Variants in SUPT3H observed in about 807,000 individuals in gnomAD.
SUPT3H encodes the protein SPT3 homolog, SAGA and STAGA complex component, also known as transcription initiation protein SPT3 homolog.
A neutral mutation model predicts 44.3 loss-of-function variants in SUPT3H; 44 were observed. The observed-to-expected ratio is 0.99, with a 90% confidence interval of 0.78 to 1.28. The LOEUF (loss-of-function observed/expected upper bound fraction) is 1.28, where lower values mean the gene tolerates loss of function less well. Ranked by LOEUF, SUPT3H falls within the 50% of genes most tolerant of loss-of-function variation. The pLI is 0.00. For synonymous variants in SUPT3H, 124 were observed against 125.6 expected, an observed-to-expected ratio of 0.99 and a Z score of 0.09; for missense variants, 380 against 387.1, an observed-to-expected ratio of 0.98 and a Z score of 0.15.
At chr6:44,903,018 C>G (rs1044865577) in intron 10 of SUPT3H, among the ~76,000 whole-genome samples, 1 of 151,948 alleles carries the variant, frequency 6.6e-6, no homozygotes, top group Non-Finnish European at 1.5e-5. Context: ...ATCTCTGGGA[C>G]ACATTCAAAG....
intron 9 of SUPT3H, among the ~76,000 whole-genome samples, chr6:44,951,492 C>T (rs758231602): frequency 1.3e-4 from 20 of 152,042 alleles, no homozygotes; most frequent in Non-Finnish European, 2.9e-4. Flanking sequence ...GACTTCCAGT[C>T]TCTGAATATT....
intron 2 of SUPT3H, among the ~76,000 whole-genome samples, chr6:45,220,785 G>C (rs531789975): frequency 2.6e-5 from 4 of 152,232 alleles, no homozygotes; most frequent in East Asian, 3.9e-4. Flanking sequence ...ACTGTTGGTG[G>C]GAGTTCAACC....
chr6:44,822,661 C>T (rs1767416164), downstream of SUPT3H, among the ~76,000 whole-genome samples: 1 of 152,152 alleles, frequency 6.6e-6, no homozygotes, highest in Admixed American at 6.5e-5. Flanking sequence ...AAACCTGATG[C>T]ATGCGGTGCT....
rs980243258 is a variant in SUPT3H at position 45,241,940 on chromosome 6, A to C, written c.101+123261T>G. 3.3e-5 allele frequency among the ~76,000 whole-genome samples: 5 copies of C among 152,348 alleles called. No individual in the cohort carries two copies. The East Asian group carries it at 9.6e-4, about 29-fold the overall frequency. On this transcript the variant is annotated intron_variant, in intron 2 of 10. Coordinates refer to ENST00000371459, the MANE Select transcript of SUPT3H (RefSeq NM_003599.4). ...GCAAGAAAGCAAATTGCTAGTCATG[A>C]AGGACTACACAAAGTGGTTATGTTT...
chr6:44,908,968 C>G (rs1029291088), intron 10 of SUPT3H, among the ~76,000 whole-genome samples: 2 of 152,170 alleles, frequency 1.3e-5, no homozygotes, highest in African/African-American at 2.4e-5. Flanking sequence ...ATCTCCTCAG[C>G]AACAACTACT....
intron 2 of SUPT3H, among the ~76,000 whole-genome samples, chr6:45,139,174 G>A (rs920817192): frequency 2.0e-5 from 3 of 152,008 alleles, no homozygotes; most frequent in African/African-American, 7.2e-5. Flanking sequence ...CAAAGCTAAA[G>A]TTTTATGACT....
At chr6:44,856,948 G>A (rs535904306) in intron 10 of SUPT3H, among the ~76,000 whole-genome samples, 11 of 152,232 alleles carry the variant, frequency 7.2e-5, no homozygotes, top group Admixed American at 5.9e-4. Context: ...GGGGACTTCG[G>A]TATTCACGAG....
chr6:45,328,263 C>T, intron 2 of SUPT3H: 3 of 1,347,994 alleles, frequency 2.2e-6, no homozygotes, highest in Non-Finnish European at 3.0e-6. Context: ...TCTGCCTCTC[C>T]AGTAATAGTG....
At chr6:45,200,035 T>C (rs1347946840) in intron 2 of SUPT3H, among the ~76,000 whole-genome samples, 1 of 151,256 alleles carries the variant, frequency 6.6e-6, no homozygotes, top group African/African-American at 2.4e-5. Flanking sequence ...ATACACCCCA[T>C]CAACCAAATC....
At chr6:45,076,618 T>C (rs191410824) in intron 3 of SUPT3H, among the ~76,000 whole-genome samples, 6 of 152,280 alleles carry the variant, frequency 3.9e-5, no homozygotes, top group East Asian at 3.9e-4. Flanking sequence ...ACTTGTAAAA[T>C]AGTGATACAA....
chr6:45,305,795 C>T (rs189953072), intron 2 of SUPT3H, among the ~76,000 whole-genome samples: 327 of 152,352 alleles, frequency 2.1e-3, no homozygotes, highest in Non-Finnish European at 3.7e-3. Flanking sequence ...AAATAACCCA[C>T]TCCAAGCCCA....
At chr6:45,057,061 C>T (rs1307829237) in intron 3 of SUPT3H, among the ~76,000 whole-genome samples, 1 of 151,594 alleles carries the variant, frequency 6.6e-6, no homozygotes, top group Non-Finnish European at 1.5e-5. Context: ...TCACAAAGAC[C>T]TAAAACAAAT....
At chr6:45,285,793 C>G (rs1233980078) in intron 2 of SUPT3H, among the ~76,000 whole-genome samples, 4 of 152,158 alleles carry the variant, frequency 2.6e-5, no homozygotes, top group Non-Finnish European at 5.9e-5. Flanking sequence ...CAAGTCAATC[C>G]TAAGCCCAAA....
chr6:45,326,065 T>TG (rs990382925), intron 2 of SUPT3H, among the ~76,000 whole-genome samples: 1 of 151,754 alleles, frequency 6.6e-6, no homozygotes, highest in Non-Finnish European at 1.5e-5. Flanking sequence ...GAGGATTACC[T>TG]GCAAAAAGTG....
chr6:45,190,676 G>A (rs1444142048), intron 2 of SUPT3H, among the ~76,000 whole-genome samples: 1 of 152,026 alleles, frequency 6.6e-6, no homozygotes, highest in Non-Finnish European at 1.5e-5. Flanking sequence ...GACCATCTTT[G>A]TAAAACACTT....
Position 45,316,463 on chromosome 6 carries a change from T to C in SUPT3H, c.101+48738A>G, listed in dbSNP as rs188452750. Reference sequence around the variant, plus strand: ...AGCAAAATTAGATAAGAGAAAGAAATAATAGGCATCCAAAGGAAAAAGTTA... The same window carrying C: ...AGCAAAATTAGATAAGAGAAAGAAACAATAGGCATCCAAAGGAAAAAGTTA... On this transcript the variant is annotated intron_variant, in intron 2 of 10. Coordinates refer to ENST00000371459, the MANE Select transcript of SUPT3H (RefSeq NM_003599.4). Among the ~76,000 whole-genome samples, 18 of 148,032 alleles carry C rather than the reference T, an allele frequency of 1.2e-4. No homozygotes were observed. The East Asian group carries it at 3.6e-3, about 30-fold the overall frequency.
chr6:45,072,184 G>A (rs1794477187), intron 3 of SUPT3H, among the ~76,000 whole-genome samples: 1 of 152,008 alleles, frequency 6.6e-6, no homozygotes, highest in Non-Finnish European at 1.5e-5. Context: ...AGTTAACTAG[G>A]CAGTCAGACT....
At chr6:45,135,597 T>C (rs1261610968) in intron 2 of SUPT3H, among the ~76,000 whole-genome samples, 1 of 152,218 alleles carries the variant, frequency 6.6e-6, no homozygotes, top group Non-Finnish European at 1.5e-5. Flanking sequence ...AGTCCTTTGC[T>C]AATTTATAAC....
intron 6 of SUPT3H, among the ~76,000 whole-genome samples, chr6:44,999,422 C>T (rs1282748713): frequency 4.6e-5 from 7 of 151,858 alleles, no homozygotes; most frequent in Non-Finnish European, 1.0e-4. Flanking sequence ...TAACGATTTT[C>T]GATTTTAAAA....
Sources: gnomAD v4.1 joint callset for allele counts (sites outside exome capture counted in the v4.1 genomes callset) on GRCh38, gnomAD v4.1.1 for gene constraint, MANE v1.5 for transcripts, NCBI Gene and HGNC (gene_info 2026-07-23, HGNC 2026-07-21) for gene names.